ALOX12B: variants seen among roughly 807,000 people sequenced by gnomAD.
ALOX12B encodes the protein arachidonate 12-lipoxygenase, 12R-type.
ALOX12B carries 47 observed loss-of-function variants against 78.9 expected under a neutral mutation model. The ratio of observed to expected loss-of-function variants is 0.60; its 90% CI spans 0.47 to 0.76. The LOEUF is 0.76. ALOX12B is among the 30% of genes least tolerant of loss of function. The probability of loss-of-function intolerance (pLI) is 0.00; values close to 1 mark genes in which losing one functional copy is unlikely to be tolerated. For missense variants in ALOX12B, 805 were observed against 922.6 expected (o/e 0.87, Z 1.65); for synonymous variants, 370 against 374.5 (o/e 0.99, Z 0.14).
In ALOX12B at chr17:8,079,393, C is replaced by G; in HGVS notation, c.1071+3G>C. 6.4e-7 allele frequency: 1 copy of G among 1,553,166 alleles called. No homozygotes were observed. Among genetic ancestry groups the G allele is most frequent in the Middle Eastern group, 1.9e-4 (1 of 5,394 alleles). On this transcript the variant is annotated splice_donor_region_variant and intron_variant, in intron 8 of 14. Coordinates refer to ENST00000647874, the MANE Select transcript of ALOX12B (RefSeq NM_001139.3). The surrounding 1 kb of genome is among the most constrained non-coding windows in gnomAD (Gnocchi z 6.4). ...GCGGCAGCGCCGCCTGCAGCCCAGGCACCTGGATGGCGATGGGCATCATCT... is the reference window on the plus strand; with the variant it reads ...GCGGCAGCGCCGCCTGCAGCCCAGGGACCTGGATGGCGATGGGCATCATCT...
chr17:8,073,905 C>T (rs914063071), intron 12 of ALOX12B, 148 bp from the exon 13 acceptor site: 12 of 714,054 alleles, frequency 1.7e-5, no homozygotes, highest in Non-Finnish European at 2.8e-5. Flanking sequence ...CGTGACCCTC[C>T]TATGGCAGCA....
At chr17:8,082,116 C>T (rs965592298) in intron 2 of ALOX12B, among the ~76,000 whole-genome samples, 1 of 152,200 alleles carries the variant, frequency 6.6e-6, no homozygotes, top group African/African-American at 2.4e-5. Flanking sequence ...ATATATACCA[C>T]ATTTTCTTTA....
At chr17:8,087,261 C>CACACAG (rs1978304008) in intron 1 of ALOX12B, 35 bp downstream of exon 1, 2 of 797,296 alleles carry the variant, frequency 2.5e-6, no homozygotes, top group African/African-American at 6.2e-5. Context: ...CACACACAGA[C>CACACAG]ACACACACAC....
chr17:8,081,229 C>T (rs1283967148), intron 2 of ALOX12B, 42 bp from the exon 3 acceptor site: 3 of 1,584,924 alleles, frequency 1.9e-6, no homozygotes, highest in Non-Finnish European at 2.6e-6. Flanking sequence ...CTGACCCTTG[C>T]CCCTGCCCAC....
chr17:8,087,154 A>T, intron 1 of ALOX12B, 142 bp downstream of exon 1: 1 of 1,271,176 alleles, frequency 7.9e-7, no homozygotes, highest in Non-Finnish European at 1.1e-6. Flanking sequence ...TCTCCTCGCC[A>T]AGCTCAGCTC....
At position 8,077,190 on chromosome 17, in the gene ALOX12B, T is replaced by C. The variant is rs756498568; in HGVS notation, c.1075A>G (p.Ser359Gly). The change falls in exon 9 of 15, where the codon AGC becomes GGC. Residue 359 changes from serine (S) to glycine (G), a missense_variant. Coordinates refer to ENST00000647874, the MANE Select transcript of ALOX12B (RefSeq NM_001139.3). ...GKMMPIAIQL[S>G]QTPGPDCPIF... ...GGGCAATCTGGCCCAGGGGTCTGGC[T>C]GAGCTAGGTGTGGTGAAAGAGAAAG... is the stretch of plus-strand genomic sequence containing the variant. The C allele has an allele frequency of 1.9e-6, 3 of 1,610,344 alleles. No individual in the cohort carries two copies. The African/African-American group carries it at 4.0e-5, about 22-fold the overall frequency.
rs761730921 is a variant in ALOX12B, at chr17:8,079,246, T to A, written c.1071+150A>T. Reference sequence around the variant, plus strand: ...ACTTGAGCATCTGCAGATTTTGGCATCCCGGGGAGGTCCTGGAACCAATCT... The same window carrying A: ...ACTTGAGCATCTGCAGATTTTGGCAACCCGGGGAGGTCCTGGAACCAATCT... On this transcript the variant is annotated intron_variant, in intron 8 of 14. Transcript: ENST00000647874. The surrounding 1 kb of genome is among the most constrained non-coding windows in gnomAD (Gnocchi z 6.4). 1.6e-6 allele frequency: 2 copies of A among 1,227,966 alleles called. No homozygotes were observed. Among genetic ancestry groups the A allele is most frequent in the South Asian group, 1.6e-5 (1 of 62,526 alleles). 76.1% of individuals were successfully genotyped at this position (1,227,966 alleles called of 1,614,324 possible).
At chr17:8,084,065 G>C (rs1350691736) in intron 2 of ALOX12B, among the ~76,000 whole-genome samples, 1 of 152,180 alleles carries the variant, frequency 6.6e-6, no homozygotes, top group Non-Finnish European at 1.5e-5. Context: ...GGCTGAGGCA[G>C]GAGAATCACT....
In ALOX12B at chr17:8,079,579, A is replaced by G; in HGVS notation, c.928-40T>C. On this transcript the variant is annotated intron_variant, in intron 7 of 14. Coordinates refer to ENST00000647874, the MANE Select transcript of ALOX12B (RefSeq NM_001139.3). This position sits in a 1 kb window ranked among gnomAD's most constrained non-coding sequence, Gnocchi z 6.4. ...CGATGGGTGGCAAGTAGGCACCCAC[A>G]CGGGAAGCCCGTGACCCGCGCCGCA... 6.5e-7 allele frequency: 1 copy of G among 1,546,388 alleles called. No individual in the cohort carries two copies. Among genetic ancestry groups the G allele is most frequent in the South Asian group, 1.2e-5 (1 of 83,860 alleles).
rs780867565 is a variant in ALOX12B, at chr17:8,080,940, C to CACAT, written c.467_470dup (p.His158CysfsTer20). ...CCGGAGGGCGGTAACTGGGAATGTG[C>CACAT]ACATAGCTGGGCAGGCCAGGAAGAA... On this transcript the variant is annotated frameshift_variant, in exon 4 of 15. Coordinates refer to ENST00000647874, the MANE Select transcript of ALOX12B (RefSeq NM_001139.3). LOFTEE classifies it high-confidence loss of function. This position sits in a 1 kb window ranked among gnomAD's most constrained non-coding sequence, Gnocchi z 4.8. 4 of 1,613,872 alleles carry CACAT rather than the reference C, an allele frequency of 2.5e-6. No homozygotes were observed. Among genetic ancestry groups the CACAT allele is most frequent in the Non-Finnish European group, 3.4e-6 (4 of 1,180,014 alleles).
intron 11 of ALOX12B, 145 bp downstream of exon 11, chr17:8,076,030 G>A (rs1977072447): frequency 3.6e-6 from 4 of 1,117,426 alleles, no homozygotes; most frequent in African/African-American, 1.5e-5. Context: ...AGGTGTGATG[G>A]ACACACAGAC....
Position 8,087,368 on chromosome 17 carries a change from G to A in ALOX12B, c.75C>T (p.Thr25=), listed in dbSNP as rs1978304896. Residue 25 remains threonine (T), a synonymous_variant, in exon 1 of 15, where the codon ACC becomes ACT. Transcript: ENST00000647874. ...LSGTRDSISL[T]IVGTQGESHK... ...GGCTCTCTCCTTGTGTCCCCACAAT[G>A]GTCAGTGAGATGGAGTCCCGTGTTC... 1.2e-6 allele frequency: 2 copies of A among 1,614,154 alleles called. No homozygotes were observed. Among genetic ancestry groups the A allele is most frequent in the East Asian group, 2.2e-5 (1 of 44,882 alleles).
chr17:8,077,226 G>T (rs373907003), intron 8 of ALOX12B, 33 bp from the exon 9 acceptor site: 109 of 1,582,974 alleles, frequency 6.9e-5, no homozygotes, highest in Non-Finnish European at 4.0e-5. Flanking sequence ...GGTTGGGTGA[G>T]GGCAGAGACC....
In ALOX12B at chr17:8,076,312, C is replaced by T. The variant is rs529986835; in HGVS notation, c.1395G>A (p.Gly465=). ...GMSLGVEGFA[G]VMVRALSELT... ...GCTCCGACAGAGCCCGTACCATCACCCCAGCAAAGCCTTCCACGCCCAGGG... is the reference window on the plus strand; with the variant it reads ...GCTCCGACAGAGCCCGTACCATCACTCCAGCAAAGCCTTCCACGCCCAGGG... Residue 465 remains glycine, a synonymous_variant, in exon 11 of 15, where the codon GGG becomes GGA. Transcript: ENST00000647874. 1.2e-6 allele frequency: 2 copies of T among 1,611,186 alleles called. No individual in the cohort carries two copies. Among genetic ancestry groups the T allele is most frequent in the South Asian group, 2.2e-5 (2 of 90,548 alleles).
At chr17:8,085,219 G>C (rs114366622) in intron 2 of ALOX12B, among the ~76,000 whole-genome samples, 53 of 152,322 alleles carry the variant, frequency 3.5e-4, no homozygotes, top group African/African-American at 1.3e-3. Context: ...TGGGGCTCAT[G>C]CCTGTAATGC....
intron 8 of ALOX12B, among the ~76,000 whole-genome samples, chr17:8,077,650 CTT>C (rs1368262534): frequency 6.6e-6 from 1 of 152,226 alleles, no homozygotes; most frequent in Non-Finnish European, 1.5e-5. Flanking sequence ...GAGGGAGCCT[CTT>C]TCTAACTTGC....
In ALOX12B at chr17:8,080,390, G is replaced by T. The variant is rs1486839344; in HGVS notation, c.651-52C>A. 1 of 1,597,480 alleles carries T rather than the reference G, an allele frequency of 6.3e-7. No individual in the cohort carries two copies. Among genetic ancestry groups the T allele is most frequent in the Admixed American group, 1.7e-5 (1 of 59,954 alleles). The stretch of plus-strand genomic sequence containing the variant: ...CCTTCAGAGGGGCTGCCAAGCGCCG[G>T]CTGGGGCAGGTGGCGGGGCCGCCCC... On this transcript the variant is annotated intron_variant, in intron 5 of 14. Transcript: ENST00000647874. The surrounding 1 kb of genome is among the most constrained non-coding windows in gnomAD (Gnocchi z 4.8).
In ALOX12B at chr17:8,087,594, A is replaced by C; in HGVS notation, c.-152T>G. On this transcript the variant is annotated 5_prime_UTR_variant, in exon 1 of 15. Transcript: ENST00000647874. ...AGTGGTGAGGTGGCGAGGTGGGGTG[A>C]CTAGGCCTGCCAGCCAAATTCTGGA... The C allele has an allele frequency of 7.5e-7, 1 of 1,338,092 alleles. No homozygotes were observed. The highest frequency in any genetic ancestry group is 1.4e-5 in the African/African-American group (1 of 69,276). 82.9% of individuals were successfully genotyped at this position (1,338,092 alleles called of 1,614,324 possible).
At chr17:8,083,225 T>C (rs746688004) in intron 2 of ALOX12B, among the ~76,000 whole-genome samples, 13 of 152,154 alleles carry the variant, frequency 8.5e-5, no homozygotes, top group Non-Finnish European at 1.9e-4. Context: ...TATATAAACA[T>C]ACACACATGT....
Sources: allele counts gnomAD v4.1 joint callset (sites outside exome capture counted in the v4.1 genomes callset), GRCh38; gene constraint gnomAD v4.1.1; non-coding constraint Gnocchi (gnomAD v3.1); transcripts MANE v1.5; gene names NCBI Gene and HGNC (gene_info 2026-07-23, HGNC 2026-07-21).